RANBP9: variants seen among roughly 807,000 people sequenced by gnomAD.
The protein encoded by RANBP9 is ran-binding protein 9.
Under a neutral mutation model 84.3 loss-of-function variants are expected in RANBP9, and 15 were observed. The ratio of observed to expected loss-of-function variants is 0.18; its 90% CI spans 0.12 to 0.27. The LOEUF (loss-of-function observed/expected upper bound fraction) is 0.27, where lower values mean the gene tolerates loss of function less well. Among genes scored for constraint, RANBP9 ranks in the 10% least tolerant of loss-of-function variants. The probability of loss-of-function intolerance (pLI) is 1.00; values close to 1 mark genes in which losing one functional copy is unlikely to be tolerated. For missense variants in RANBP9, 809 were observed against 912.8 expected, an observed-to-expected ratio of 0.89 and a Z score of 1.46; for synonymous variants, 392 against 349.6, an observed-to-expected ratio of 1.12 and a Z score of -1.35.
chr6:13,688,400 T>C (rs1455377893), intron 2 of RANBP9, among the ~76,000 whole-genome samples: 3 of 152,308 alleles, frequency 2.0e-5, no homozygotes, highest in African/African-American at 7.2e-5. Flanking sequence ...TAGACTTCCC[T>C]GATCACCACC....
chr6:13,669,673 C>CT (rs1289261615), intron 2 of RANBP9, among the ~76,000 whole-genome samples: 2 of 152,154 alleles, frequency 1.3e-5, no homozygotes, highest in African/African-American at 4.8e-5. Flanking sequence ...TTACTGCAGC[C>CT]TTTTTTCTCC....
At chr6:13,685,441 T>C (rs1427520840) in intron 2 of RANBP9, among the ~76,000 whole-genome samples, 2 of 152,160 alleles carry the variant, frequency 1.3e-5, no homozygotes, top group Admixed American at 1.3e-4. Flanking sequence ...AGGCATAGGA[T>C]ACATCTCTGT....
At chr6:13,676,227 T>G (rs184817955) in intron 2 of RANBP9, among the ~76,000 whole-genome samples, 8 of 152,200 alleles carry the variant, frequency 5.3e-5, no homozygotes, top group Non-Finnish European at 1.0e-4. Context: ...AAAAGTTATC[T>G]GCATTCATTA....
intron 2 of RANBP9, among the ~76,000 whole-genome samples, chr6:13,692,054 C>T (rs754253562): frequency 8.5e-5 from 13 of 152,188 alleles, no homozygotes; most frequent in Non-Finnish European, 1.8e-4. Flanking sequence ...CTGGTCCATA[C>T]TTTACAAAGA....
intron 1 of RANBP9, among the ~76,000 whole-genome samples, chr6:13,705,442 A>G (rs1418419095): frequency 1.4e-5 from 2 of 147,850 alleles, no homozygotes; most frequent in Non-Finnish European, 3.0e-5. Flanking sequence ...AAAAGAATAT[A>G]CATTATTATT....
Position 13,649,626 on chromosome 6 carries a change from T to C in RANBP9, c.927+3033A>G, listed in dbSNP as rs551206460. On this transcript the variant is annotated intron_variant, in intron 5 of 13. Transcript: ENST00000011619. ...CCACAATGCTCTTCTCAAAAGCCCA[T>C]CCCCTCAATTACACATCTGTCTACC... Among the ~76,000 whole-genome samples, 290 of 152,186 alleles carry C rather than the reference T, an allele frequency of 1.9e-3. 2 individuals carry two copies. Among genetic ancestry groups the C allele is most frequent in the South Asian group, 3.5e-3 (17 of 4,820 alleles).
At chr6:13,659,245 C>A (rs1765483370) in intron 2 of RANBP9, among the ~76,000 whole-genome samples, 1 of 106,460 alleles carries the variant, frequency 9.4e-6, no homozygotes, top group African/African-American at 3.1e-5. Flanking sequence ...TTAGACCCCA[C>A]ACACACACAC....
At position 13,644,593 on chromosome 6, in the gene RANBP9, C is replaced by T. The variant is rs373203974; in HGVS notation, c.1064G>A (p.Arg355Gln). The T allele has an allele frequency of 2.8e-5, 45 of 1,613,046 alleles. No individual in the cohort carries two copies. The highest frequency in any genetic ancestry group is 3.7e-5 in the Non-Finnish European group (44 of 1,179,630). Residue 355 changes from arginine (R) to glutamine (Q), a missense_variant, in exon 6 of 14, where the codon CGA becomes CAA. Physicochemically the swap from Arg to Gln is conservative, Grantham distance 43. This residue lies in a region of RANBP9 where 216 missense variants were observed against 329.0 expected (regional missense o/e 0.66). Coordinates refer to ENST00000011619, the MANE Select transcript of RANBP9 (RefSeq NM_005493.3). ...TCCTTCTCGATCTCCGATAGGAAATCGATCTATCTGTGCCTGGATTTTGGT... is the reference window on the plus strand; with the variant it reads ...TCCTTCTCGATCTCCGATAGGAAATTGATCTATCTGTGCCTGGATTTTGGT... ...WRTKIQAQIDRFPIGDREGEW... is the reference protein window; with the variant it reads ...WRTKIQAQIDQFPIGDREGEW...
intron 1 of RANBP9, among the ~76,000 whole-genome samples, chr6:13,701,055 C>T (rs1192616840): frequency 6.6e-6 from 1 of 152,188 alleles, no homozygotes. Context: ...CACGTCTATA[C>T]TTCAACATCA....
At chr6:13,629,895 G>GTCTC (rs35437953) in intron 12 of RANBP9, among the ~76,000 whole-genome samples, 173 of 143,922 alleles carry the variant, frequency 1.2e-3, no homozygotes, top group Middle Eastern at 3.5e-3. Flanking sequence ...TCATGTCTCT[G>GTCTC]TCTCTCTCTC....
intron 12 of RANBP9, among the ~76,000 whole-genome samples, chr6:13,629,443 A>AT (rs1764714794): frequency 6.6e-6 from 1 of 152,234 alleles, no homozygotes; most frequent in Non-Finnish European, 1.5e-5. Context: ...AATATGTAGC[A>AT]TTATGGGTTA....
intron 2 of RANBP9, among the ~76,000 whole-genome samples, chr6:13,680,331 A>G (rs939670326): frequency 1.4e-4 from 22 of 152,226 alleles, no homozygotes; most frequent in Non-Finnish European, 2.6e-4. Flanking sequence ...ACCAAGACAT[A>G]GTCAAGTAAT....
At chr6:13,648,148 T>G (rs1765215801) in intron 5 of RANBP9, among the ~76,000 whole-genome samples, 2 of 136,826 alleles carry the variant, frequency 1.5e-5, no homozygotes, top group Admixed American at 7.3e-5. Context: ...CTGGTTTTTT[T>G]TTTTTTTTTT....
chr6:13,709,424 A>G (rs570221011), intron 1 of RANBP9, among the ~76,000 whole-genome samples: 1 of 152,352 alleles, frequency 6.6e-6, no homozygotes, highest in African/African-American at 2.4e-5. Context: ...ACTGTCAACC[A>G]TAAATTTAAA....
chr6:13,678,039 G>A (rs1338050935), intron 2 of RANBP9, among the ~76,000 whole-genome samples: 1 of 152,100 alleles, frequency 6.6e-6, no homozygotes, highest in Non-Finnish European at 1.5e-5. Context: ...GGATCACTAA[G>A]TCCAGGAGTT....
intron 2 of RANBP9, among the ~76,000 whole-genome samples, chr6:13,670,151 G>A (rs981638224): frequency 2.6e-5 from 4 of 152,016 alleles, no homozygotes; most frequent in Admixed American, 2.6e-4. Context: ...AAATTAGCCA[G>A]GTGCAGTGGC....
chr6:13,672,889 GAA>G (rs968095158), intron 2 of RANBP9, among the ~76,000 whole-genome samples: 13 of 151,448 alleles, frequency 8.6e-5, no homozygotes, highest in African/African-American at 2.7e-4. Flanking sequence ...AAAAAAACTG[GAA>G]CATGGTATTT....
intron 1 of RANBP9, among the ~76,000 whole-genome samples, chr6:13,710,635 G>A (rs1448017288): frequency 3.3e-5 from 5 of 152,214 alleles, no homozygotes; most frequent in African/African-American, 1.2e-4. Flanking sequence ...AAATCAGAAA[G>A]CCAGTTCTGT....
At chr6:13,681,301 G>A (rs1049553693) in intron 2 of RANBP9, among the ~76,000 whole-genome samples, 11 of 148,890 alleles carry the variant, frequency 7.4e-5, no homozygotes, top group South Asian at 4.2e-4. Flanking sequence ...ACAAGAGAGA[G>A]TTTGGCGTGG....
Sources: allele counts gnomAD v4.1 joint callset (sites outside exome capture counted in the v4.1 genomes callset), GRCh38; gene constraint gnomAD v4.1.1; regional missense constraint gnomAD v4.1.1; transcripts MANE v1.5; gene names NCBI Gene and HGNC (gene_info 2026-07-23, HGNC 2026-07-21).